GALNTL6: variants seen among roughly 807,000 people sequenced by gnomAD.
The protein encoded by GALNTL6 is polypeptide N-acetylgalactosaminyltransferase like 6.
Under a neutral mutation model 73.7 loss-of-function variants are expected in GALNTL6, and 46 were observed. The observed-to-expected ratio is 0.62, with a 90% CI of 0.49 to 0.80. GALNTL6 has a LOEUF of 0.80. GALNTL6 is among the 30% of genes least tolerant of loss of function. GALNTL6 has a pLI of 0.00. For missense variants in GALNTL6, 604 were observed against 755.0 expected (o/e 0.80, Z 2.34); for synonymous variants, 259 against 263.7 (o/e 0.98, Z 0.17).
chr4:172,098,710 T>C (rs1336683701), intron 2 of GALNTL6, among the ~76,000 whole-genome samples: 1 of 152,214 alleles, frequency 6.6e-6, no homozygotes, highest in Admixed American at 6.5e-5. Context: ...TTTGAATGTT[T>C]CTTGCCATTT....
intron 2 of GALNTL6, among the ~76,000 whole-genome samples, chr4:172,130,072 G>A (rs1352612722): frequency 6.6e-6 from 1 of 152,088 alleles, no homozygotes; most frequent in Non-Finnish European, 1.5e-5. Context: ...GGAAAACAAT[G>A]AGAATTACAT....
chr4:172,041,463 G>C (rs1742084211), intron 2 of GALNTL6, among the ~76,000 whole-genome samples: 1 of 151,958 alleles, frequency 6.6e-6, no homozygotes, highest in African/African-American at 2.4e-5. Flanking sequence ...TGTTCATTGT[G>C]AACCTTAGCA....
chr4:173,019,889 C>T (rs542320118), intron 11 of GALNTL6, among the ~76,000 whole-genome samples: 3 of 152,374 alleles, frequency 2.0e-5, no homozygotes, highest in East Asian at 1.9e-4. Context: ...AGGTTCTCTA[C>T]ATTTCCTTTC....
intron 5 of GALNTL6, among the ~76,000 whole-genome samples, chr4:172,749,776 T>C (rs1041501591): frequency 3.3e-5 from 5 of 152,092 alleles, no homozygotes; most frequent in Admixed American, 6.6e-5. Flanking sequence ...TATTATTCAA[T>C]CTTTCCTTCC....
At chr4:172,027,464 G>A (rs1192355446) in intron 2 of GALNTL6, among the ~76,000 whole-genome samples, 2 of 152,002 alleles carry the variant, frequency 1.3e-5, no homozygotes, top group Admixed American at 6.6e-5. Context: ...GTAAGATGGT[G>A]GATTTAATCA....
rs1258987773 is a variant in GALNTL6 at position 172,075,988 on chromosome 4, T to C, written c.139-153668T>C. ...AATGTATTCACACAGATCATTTAGT[T>C]TGGCTTAATTAATTGTTTGGTCTCT... On this transcript the variant is annotated intron_variant, in intron 2 of 12. Transcript: ENST00000506823. Among the ~76,000 whole-genome samples, 4 of 152,354 alleles carry C rather than the reference T, an allele frequency of 2.6e-5. No individual in the cohort carries two copies. In the South Asian group the frequency reaches 6.2e-4, roughly 24 times the overall value.
chr4:172,730,628 G>A (rs958276123), intron 5 of GALNTL6, among the ~76,000 whole-genome samples: 1 of 152,116 alleles, frequency 6.6e-6, no homozygotes, highest in African/African-American at 2.4e-5. Flanking sequence ...TGGTTTGCTG[G>A]TATTTTGCTG....
chr4:171,814,998 G>A (rs1005482804), intron 2 of GALNTL6: 1 of 520,182 alleles, frequency 1.9e-6, no homozygotes, highest in African/African-American at 1.9e-5. Context: ...ATTTTGACTT[G>A]AGGTGGATGA....
chr4:171,844,519 A>C (rs981752626), intron 2 of GALNTL6, among the ~76,000 whole-genome samples: 2 of 151,998 alleles, frequency 1.3e-5, no homozygotes, highest in African/African-American at 4.8e-5. Flanking sequence ...TTTTTGTTTT[A>C]AGTTTTATTT....
intron 2 of GALNTL6, among the ~76,000 whole-genome samples, chr4:172,002,830 C>T (rs540319923): frequency 7.9e-5 from 12 of 152,138 alleles, no homozygotes; most frequent in African/African-American, 2.4e-4. Context: ...CCACAGAACA[C>T]GTGTTATAAG....
intron 2 of GALNTL6, among the ~76,000 whole-genome samples, chr4:172,196,445 A>G (rs1354795345): frequency 1.3e-5 from 2 of 152,200 alleles, no homozygotes; most frequent in Non-Finnish European, 2.9e-5. Flanking sequence ...AATTCATTTT[A>G]TGGGGCCAAA....
intron 2 of GALNTL6, among the ~76,000 whole-genome samples, chr4:171,990,261 C>T (rs1442133876): frequency 6.6e-6 from 1 of 152,050 alleles, no homozygotes; most frequent in East Asian, 1.9e-4. Context: ...AAGTGCATAC[C>T]ATGTATTGGG....
intron 2 of GALNTL6, among the ~76,000 whole-genome samples, chr4:171,856,355 T>G (rs1735692685): frequency 6.6e-6 from 1 of 151,884 alleles, no homozygotes; most frequent in African/African-American, 2.4e-5. Context: ...CCTCAGGGCA[T>G]CCACCCACCT....
chr4:172,205,955 G>T (rs1188011838), intron 2 of GALNTL6, among the ~76,000 whole-genome samples: 1 of 152,154 alleles, frequency 6.6e-6, no homozygotes, highest in Non-Finnish European at 1.5e-5. Context: ...GGTGAAAAAT[G>T]CATTCTTTGT....
intron 8 of GALNTL6, among the ~76,000 whole-genome samples, chr4:172,893,345 C>G (rs2610207): frequency 0.22 from 24,492 of 109,348 alleles, 3,762 homozygotes; most frequent in African/African-American, 0.49. Flanking sequence ...CTGAGAGTGG[C>G]GGGGGGGGGG....
intron 5 of GALNTL6, among the ~76,000 whole-genome samples, chr4:172,543,294 C>G (rs1350719179): frequency 6.6e-6 from 1 of 152,162 alleles, no homozygotes; most frequent in Non-Finnish European, 1.5e-5. Context: ...CACAATTTGT[C>G]ACACATAGTT....
At chr4:172,218,037 T>C (rs1361262525) in intron 2 of GALNTL6, among the ~76,000 whole-genome samples, 1 of 152,076 alleles carries the variant, frequency 6.6e-6, no homozygotes, top group Admixed American at 6.6e-5. Context: ...TTTTATACTG[T>C]AACCCTATTA....
rs75813000 is a variant in GALNTL6 at position 172,850,491 on chromosome 4, C to A, written c.924-32299C>A. The stretch of plus-strand genomic sequence containing the variant: ...AACTGTTTTTTCTTCTACATTCACG[C>A]TTATCACGGAATACTTCACCGCTTG... On this transcript the variant is annotated intron_variant, in intron 7 of 12. Coordinates refer to ENST00000506823, the MANE Select transcript of GALNTL6 (RefSeq NM_001034845.3). Among the ~76,000 whole-genome samples the A allele has an allele frequency of 5.8e-3, 880 of 152,248 alleles. 12 individuals are homozygous for A. Among genetic ancestry groups the A allele is most frequent in the African/African-American group, 0.02 (830 of 41,562 alleles).
At chr4:172,652,911 T>C (rs1309524147) in intron 5 of GALNTL6, among the ~76,000 whole-genome samples, 2 of 152,188 alleles carry the variant, frequency 1.3e-5, no homozygotes, top group African/African-American at 2.4e-5. Context: ...TTAACACCCA[T>C]AAATTCTTTC....
Sources: gnomAD v4.1 joint callset for allele counts (sites outside exome capture counted in the v4.1 genomes callset) on GRCh38, gnomAD v4.1.1 for gene constraint, MANE v1.5 for transcripts, NCBI Gene and HGNC (gene_info 2026-07-23, HGNC 2026-07-21) for gene names.